The following TTL variants were observed in gnomAD, a reference collection of about 807,000 sequenced individuals.
TTL encodes the protein tubulin--tyrosine ligase.
In TTL, 10 loss-of-function variants were observed where a neutral mutation model predicts 41.1. The ratio of observed to expected loss-of-function variants is 0.24; its 90% CI spans 0.15 to 0.41. The LOEUF (loss-of-function observed/expected upper bound fraction) is 0.41, where lower values mean the gene tolerates loss of function less well. TTL is among the 10% of genes least tolerant of loss of function. The pLI is 1.00. For synonymous variants in TTL, 175 were observed against 175.5 expected, an observed-to-expected ratio of 1.00 and a Z score of 0.02; for missense variants, 367 against 460.4, an observed-to-expected ratio of 0.80 and a Z score of 1.86.
At chr2:112,515,045 G>T (rs73955225) in intron 5 of TTL, among the ~76,000 whole-genome samples, 2 of 152,028 alleles carry the variant, frequency 1.3e-5, no homozygotes, top group Admixed American at 1.3e-4. Flanking sequence ...TTTAGTTAGC[G>T]TGCTTTTTAG....
At position 112,534,384 on chromosome 2, in the gene TTL, G is replaced by A. The variant is rs184058058; in HGVS notation, c.*5589G>A. 4.0e-5 allele frequency: 6 copies of A among 149,918 alleles called. No homozygotes were observed. The highest frequency in any genetic ancestry group is 3.5e-3 in the Middle Eastern group (1 of 282). The allele number at this position is 149,918 out of a possible 1,614,324, so 9.3% of individuals were successfully genotyped here. A position where few individuals can be genotyped will look rare whatever the true frequency, so the allele number is the denominator to read the frequency against. On this transcript the variant is annotated 3_prime_UTR_variant, in exon 7 of 7. Transcript: ENST00000233336. Reference sequence around the variant, plus strand: ...TCTGGGTAAGAAAAGCAAGCTTTCTGACATTTTAATGTACCCTATTCCCAC... The same window carrying A: ...TCTGGGTAAGAAAAGCAAGCTTTCTAACATTTTAATGTACCCTATTCCCAC...
intron 6 of TTL, chr2:112,520,671 C>CA (rs1682201654): frequency 2.2e-6 from 1 of 458,438 alleles, no homozygotes; most frequent in Admixed American, 3.3e-5. Context: ...TTTGGGAGGC[C>CA]AAGACAGGTA....
intron 3 of TTL, among the ~76,000 whole-genome samples, chr2:112,495,533 A>G (rs2104453258): frequency 6.6e-6 from 1 of 152,330 alleles, no homozygotes; most frequent in Admixed American, 6.5e-5. Context: ...GTCTATGTTA[A>G]TGCCCTCATA....
At chr2:112,487,274 CT>C (rs1283946960) in intron 2 of TTL, among the ~76,000 whole-genome samples, 1 of 152,186 alleles carries the variant, frequency 6.6e-6, no homozygotes, top group Non-Finnish European at 1.5e-5. Context: ...CCACTCCTCT[CT>C]GTGATGGGTT....
chr2:112,522,892 G>C (rs989175158), intron 6 of TTL, among the ~76,000 whole-genome samples: 1 of 152,126 alleles, frequency 6.6e-6, no homozygotes, highest in Non-Finnish European at 1.5e-5. Flanking sequence ...GAAGGTTTTG[G>C]CATGGAGCCT....
chr2:112,487,707 G>A (rs1574053092), intron 2 of TTL, among the ~76,000 whole-genome samples: 1 of 152,244 alleles, frequency 6.6e-6, no homozygotes, highest in Admixed American at 6.5e-5. Flanking sequence ...GAGGCATGCA[G>A]TGTGATCTGT....
At position 112,501,285 on chromosome 2, in the gene TTL, G is replaced by A; in HGVS notation, c.549G>A (p.Gln183=). The A allele has an allele frequency of 6.2e-7, 1 of 1,613,616 alleles. No individual in the cohort carries two copies. The highest frequency in any genetic ancestry group is 1.1e-5 in the South Asian group (1 of 91,038). Residue 183 remains glutamine (Q), a synonymous_variant, in exon 4 of 7, where the codon CAG becomes CAA. Transcript: ENST00000233336. ...IDNQGQVHVI[Q]KYLEHPLLLE... ...ACCAGGGCCAAGTGCACGTGATCCAGAAATATCTTGAGCACCCTCTGCTGC... is the reference window on the plus strand; with the variant it reads ...ACCAGGGCCAAGTGCACGTGATCCAAAAATATCTTGAGCACCCTCTGCTGC...
chr2:112,483,626 G>A (rs1681155802), intron 1 of TTL: 1 of 152,174 alleles, frequency 6.6e-6, no homozygotes, highest in Non-Finnish European at 1.5e-5. Context: ...AACTGAATAC[G>A]GGCCATTTGG....
chr2:112,502,383 T>A (rs1681725692), intron 4 of TTL, among the ~76,000 whole-genome samples: 1 of 152,140 alleles, frequency 6.6e-6, no homozygotes, highest in African/African-American at 2.4e-5. Flanking sequence ...ATGCCTGTAA[T>A]CCCAGCACTT....
intron 3 of TTL, among the ~76,000 whole-genome samples, chr2:112,496,607 T>C (rs533334426): frequency 7.2e-5 from 11 of 152,108 alleles, no homozygotes; most frequent in African/African-American, 2.6e-4. Context: ...ATGTCTTTGC[T>C]GTAGATGACC....
rs556082351 is a variant in TTL, at chr2:112,493,827, T to C, written c.237-316T>C. Among the ~76,000 whole-genome samples the C allele has an allele frequency of 3.9e-5, 6 of 152,298 alleles. No individual in the cohort carries two copies. The South Asian group carries it at 1.2e-3, about 32-fold the overall frequency. On this transcript the variant is annotated intron_variant, in intron 2 of 6. Transcript: ENST00000233336. ...AGTATGGGTATGGTTCAACAACATATTTGTTGAAAAGATATCGGCTCAGGA... is the reference window on the plus strand; with the variant it reads ...AGTATGGGTATGGTTCAACAACATACTTGTTGAAAAGATATCGGCTCAGGA...
intron 3 of TTL, among the ~76,000 whole-genome samples, chr2:112,494,826 A>G (rs12614651): frequency 0.17 from 25,265 of 152,128 alleles, 2,368 homozygotes; most frequent in East Asian, 0.3. Flanking sequence ...TATATTCTGA[A>G]TAGACTATTT....
At chr2:112,498,879 A>C (rs1036721486) in intron 3 of TTL, among the ~76,000 whole-genome samples, 2 of 152,154 alleles carry the variant, frequency 1.3e-5, no homozygotes, top group Non-Finnish European at 2.9e-5. Context: ...AATAAATAAT[A>C]AAAATTCATA....
At chr2:112,514,160 G>A (rs756203901) in intron 5 of TTL, among the ~76,000 whole-genome samples, 6 of 152,062 alleles carry the variant, frequency 3.9e-5, no homozygotes, top group Non-Finnish European at 7.4e-5. Flanking sequence ...GAGGTGGGCC[G>A]ATCACTTGAG....
rs527364278 is a variant in TTL at position 112,532,333 on chromosome 2, T to C, written c.*3538T>C. On this transcript the variant is annotated 3_prime_UTR_variant, in exon 7 of 7. Coordinates refer to ENST00000233336, the MANE Select transcript of TTL (RefSeq NM_153712.5). Reference sequence around the variant, plus strand: ...CACAAAATCTGTACTGGAGAGGAAATGACTGCTGAAATAAGGCGATTGTAT... The same window carrying C: ...CACAAAATCTGTACTGGAGAGGAAACGACTGCTGAAATAAGGCGATTGTAT... 3.6e-4 allele frequency: 81 copies of C among 228,158 alleles called. No individual in the cohort carries two copies. Among genetic ancestry groups the C allele is most frequent in the African/African-American group, 1.5e-3 (69 of 45,176 alleles). The allele number at this position is 228,158 out of a possible 1,614,324, so 14.1% of individuals were successfully genotyped here.
intron 3 of TTL, among the ~76,000 whole-genome samples, chr2:112,495,240 A>C (rs1026391531): frequency 6.6e-6 from 1 of 152,036 alleles, no homozygotes; most frequent in Non-Finnish European, 1.5e-5. Context: ...TTCTAATCTA[A>C]AATAGCCTCC....
At chr2:112,521,234 C>T in intron 6 of TTL, 4 of 985,292 alleles carry the variant, frequency 4.1e-6, no homozygotes, top group Non-Finnish European at 4.8e-6. Context: ...CTGGGAGATG[C>T]CCAGAGGAAC....
chr2:112,520,554 G>A, intron 6 of TTL, 129 bp downstream of exon 6: 2 of 1,306,506 alleles, frequency 1.5e-6, no homozygotes, highest in South Asian at 1.4e-5. Context: ...AGACCCTTGG[G>A]AGGACTCTAT....
intron 6 of TTL, among the ~76,000 whole-genome samples, chr2:112,527,803 C>G (rs1454688810): frequency 6.6e-6 from 1 of 152,116 alleles, no homozygotes; most frequent in Non-Finnish European, 1.5e-5. Context: ...GAGCATTTAG[C>G]CCATTTACAC....
Sources: allele counts gnomAD v4.1 joint callset (sites outside exome capture counted in the v4.1 genomes callset), GRCh38; gene constraint gnomAD v4.1.1; transcripts MANE v1.5; gene names NCBI Gene and HGNC (gene_info 2026-07-23, HGNC 2026-07-21).